The following DNM1 variants were observed in gnomAD, a reference collection of about 807,000 sequenced individuals.
The protein encoded by DNM1 is dynamin-1.
In DNM1, 29 loss-of-function variants were observed where a neutral mutation model predicts 104.6. The ratio of observed to expected loss-of-function variants is 0.28; its 90% CI spans 0.21 to 0.38. The LOEUF is 0.38. Among genes scored for constraint, DNM1 ranks in the 10% least tolerant of loss-of-function variants. DNM1 has a pLI of 1.00. For synonymous variants in DNM1, 445 were observed against 475.8 expected, an observed-to-expected ratio of 0.94 and a Z score of 0.84; for missense variants, 640 against 1,189.4, an observed-to-expected ratio of 0.54 and a Z score of 6.79.
Position 128,250,293 on chromosome 9 carries a change from C to A in DNM1, c.2255C>A (p.Thr752Lys). ...GACATCAACACGACCACCGTCAGCA[C>A]GCCCATGCCCCCGCCCGTGGACGAC... ...IGDINTTTVS[T>K]PMPPPVDDSW... Residue 752 changes from threonine (T) to lysine (K), a missense_variant, in exon 20 of 22, where the codon ACG (threonine) becomes AAG (lysine). Transcript: ENST00000372923. The A allele has an allele frequency of 6.2e-7, 1 of 1,611,706 alleles. No homozygotes were observed. The highest frequency in any genetic ancestry group is 8.5e-7 in the Non-Finnish European group (1 of 1,179,014).
chr9:128,222,136 C>T lies in DNM1; in HGVS notation c.850-61C>T. 6.4e-7 allele frequency: 1 copy of T among 1,555,932 alleles called. No homozygotes were observed. On this transcript the variant is annotated intron_variant, in intron 6 of 21. Transcript: ENST00000372923. This position sits in a 1 kb window ranked among gnomAD's most constrained non-coding sequence, Gnocchi z 7.8. ...CACGTTCACACAGTCCCCTGGCATC[C>T]AAGTCCCTTCCTGGCCCTGTGACCA... is the stretch of plus-strand genomic sequence containing the variant.
intron 1 of DNM1, among the ~76,000 whole-genome samples, chr9:128,210,348 CATTATTATT>C (rs61012054): frequency 1.0e-3 from 146 of 141,608 alleles, no homozygotes; most frequent in Non-Finnish European, 1.5e-3. Flanking sequence ...ATTTATTTGG[CATTATTATT>C]ATTATTATTA....
intron 12 of DNM1, 38 bp downstream of exon 12, chr9:128,239,553 G>T (rs1035192857): frequency 6.5e-7 from 1 of 1,544,598 alleles, no homozygotes; most frequent in African/African-American, 1.4e-5. Flanking sequence ...GTGCTCCCTG[G>T]GCAGAGAAGG....
intron 14 of DNM1, among the ~76,000 whole-genome samples, chr9:128,241,223 T>C (rs534529555): frequency 6.6e-6 from 1 of 152,212 alleles, no homozygotes; most frequent in South Asian, 2.1e-4. Flanking sequence ...CTCTGGATGC[T>C]CAGAGAAGAA....
rs1588443160 is a variant in DNM1 at position 128,245,201 on chromosome 9, G to A, written c.1672-1193G>A. ...TCCTCTCCTCCCCCAGCCGCCCTCT[G>A]GGGCTCCCGGCCACCCGCCTGGCAT... On this transcript the variant is annotated intron_variant, in intron 15 of 21. Coordinates refer to ENST00000372923, the MANE Select transcript of DNM1 (RefSeq NM_004408.4). This position sits in a 1 kb window ranked among gnomAD's most constrained non-coding sequence, Gnocchi z 5.2. Among the ~76,000 whole-genome samples the A allele has an allele frequency of 6.6e-6, 1 of 152,108 alleles. No homozygotes were observed. Among genetic ancestry groups the A allele is most frequent in the East Asian group, 1.9e-4 (1 of 5,192 alleles).
chr9:128,226,314 C>A (rs1020811533), intron 10 of DNM1: 3 of 1,347,966 alleles, frequency 2.2e-6, no homozygotes, highest in East Asian at 2.5e-5. Context: ...CAGTTTCTAA[C>A]CCTGGGTACT....
chr9:128,218,955 C>T lies in DNM1; in HGVS notation c.386-94C>T, dbSNP rs1564328443. ...CTAGTCCCACCCACCTGCCACCCTGCTCCCAAGCAGCTTCTCTAACCCCGC... is the reference window on the plus strand; with the variant it reads ...CTAGTCCCACCCACCTGCCACCCTGTTCCCAAGCAGCTTCTCTAACCCCGC... On this transcript the variant is annotated intron_variant, in intron 3 of 21. Transcript: ENST00000372923. The surrounding 1 kb of genome is among the most constrained non-coding windows in gnomAD (Gnocchi z 4.8). The T allele has an allele frequency of 2.1e-6, 3 of 1,450,444 alleles. No homozygotes were observed. Among genetic ancestry groups the T allele is most frequent in the South Asian group, 2.4e-5 (2 of 82,724 alleles). The allele number at this position is 1,450,444 out of a possible 1,614,324, so 89.8% of individuals were successfully genotyped here. A position where few individuals can be genotyped will look rare whatever the true frequency, so the allele number is the denominator to read the frequency against.
rs1564358478 is a variant in DNM1 at position 128,254,567 on chromosome 9, GGCC to G, written c.2535-86_2535-84del. ...CTCCCACCACTGCTGCGGCGCGGCC[GGCC>G]CCGGCCGTGTGCTGCGCTTGCCTTA... On this transcript the variant is annotated intron_variant, in intron 21 of 21. Transcript: ENST00000372923. This position sits in a 1 kb window ranked among gnomAD's most constrained non-coding sequence, Gnocchi z 6.1. 5 of 1,421,830 alleles carry G rather than the reference GGCC, an allele frequency of 3.5e-6. No individual in the cohort carries two copies. The African/African-American group carries it at 4.3e-5, about 12-fold the overall frequency. 88.1% of individuals were successfully genotyped at this position (1,421,830 alleles called of 1,614,324 possible).
intron 1 of DNM1, among the ~76,000 whole-genome samples, chr9:128,217,762 C>T (rs1435554593): frequency 6.6e-6 from 1 of 152,188 alleles, no homozygotes; most frequent in African/African-American, 2.4e-5. Context: ...CTTCTTCAAC[C>T]CTAGCCATAT....
chr9:128,248,439 GC>G lies in DNM1; in HGVS notation c.1906-143del. 1 of 869,894 alleles carries G rather than the reference GC, an allele frequency of 1.1e-6. No homozygotes were observed. The highest frequency in any genetic ancestry group is 1.7e-6 in the Non-Finnish European group (1 of 580,702). The allele number at this position is 869,894 out of a possible 1,614,324, so 53.9% of individuals were successfully genotyped here. ...CTAGGGTCCTGAGAGGCACAGGGAT[GC>G]GGAGCCAGGTATGTATTCAGGCCAG... On this transcript the variant is annotated intron_variant, in intron 18 of 21. Transcript: ENST00000372923. The surrounding 1 kb of genome is among the most constrained non-coding windows in gnomAD (Gnocchi z 5.6).
At chr9:128,242,457 C>T (rs1322637024) in intron 15 of DNM1, 112 bp downstream of exon 15, 2 of 631,354 alleles carry the variant, frequency 3.2e-6, no homozygotes, top group Non-Finnish European at 5.6e-6. Flanking sequence ...TTTAAAATGT[C>T]TCGTCAAAGA....
chr9:128,214,845 T>C (rs912520429), intron 1 of DNM1, among the ~76,000 whole-genome samples: 3 of 152,198 alleles, frequency 2.0e-5, no homozygotes, highest in Non-Finnish European at 4.4e-5. Context: ...CTGATACTTT[T>C]CTCTGGGCAC....
Position 128,248,242 on chromosome 9 carries a change from G to A in DNM1, c.1905+307G>A, listed in dbSNP as rs961155674. On this transcript the variant is annotated intron_variant, in intron 18 of 21. Transcript: ENST00000372923. This position sits in a 1 kb window ranked among gnomAD's most constrained non-coding sequence, Gnocchi z 5.6. The stretch of plus-strand genomic sequence containing the variant: ...CTCAGGAGGCTGAGGCAGGAGAATC[G>A]CTTGAACCCAGGAGGAGGTTGCAAT... 1.5e-4 allele frequency: 77 copies of A among 502,312 alleles called. 1 individual carries two copies. Among genetic ancestry groups the A allele is most frequent in the South Asian group, 6.3e-4 (29 of 45,912 alleles). The allele number at this position is 502,312 out of a possible 1,614,324, so 31.1% of individuals were successfully genotyped here.
intron 1 of DNM1, chr9:128,204,982 G>A (rs1833830778): frequency 6.6e-6 from 1 of 152,468 alleles, no homozygotes; most frequent in Admixed American, 6.5e-5. Context: ...GGAAACCCAT[G>A]CCAGCCCTAG....
chr9:128,209,757 T>C lies in DNM1; in HGVS notation c.161+6126T>C, dbSNP rs530142820. On this transcript the variant is annotated intron_variant, in intron 1 of 21. Coordinates refer to ENST00000372923, the MANE Select transcript of DNM1 (RefSeq NM_004408.4). ...TCCCAGCTCCAGAAAGGACCCACCT[T>C]GGGCCTGGGCTGGTCCCCACTTGGG... is the stretch of plus-strand genomic sequence containing the variant. 3.8e-3 allele frequency among the ~76,000 whole-genome samples: 573 copies of C among 152,292 alleles called. 3 individuals are homozygous for C. Among genetic ancestry groups the C allele is most frequent in the Middle Eastern group, 6.8e-3 (2 of 294 alleles).
chr9:128,240,183 T>G lies in DNM1; in HGVS notation c.1557+187T>G, dbSNP rs1187287719. Among the ~76,000 whole-genome samples the G allele has an allele frequency of 6.6e-6, 1 of 152,172 alleles. No individual in the cohort carries two copies. Among genetic ancestry groups the G allele is most frequent in the Non-Finnish European group, 1.5e-5 (1 of 68,028 alleles). ...AGCCGCATCCACCCGTCCATCTGTG[T>G]GCACGAGCCAAGCACCTACTTCAGG... On this transcript the variant is annotated intron_variant, in intron 14 of 21. Transcript: ENST00000372923. The surrounding 1 kb of genome is among the most constrained non-coding windows in gnomAD (Gnocchi z 5.1).
chr9:128,213,742 G>A (rs78077958), intron 1 of DNM1, among the ~76,000 whole-genome samples: 61 of 152,214 alleles, frequency 4.0e-4, no homozygotes, highest in African/African-American at 5.5e-4. Context: ...TGGTCAGTGC[G>A]GGTGTCCTGA....
intron 1 of DNM1, among the ~76,000 whole-genome samples, chr9:128,205,034 G>C (rs957397010): frequency 2.0e-5 from 3 of 152,224 alleles, no homozygotes; most frequent in Middle Eastern, 3.4e-3. Context: ...TGTGTGTGTG[G>C]GACGTTGGAA....
chr9:128,239,721 C>T lies in DNM1; in HGVS notation c.1494-7C>T. The T allele has an allele frequency of 6.2e-7, 1 of 1,612,830 alleles. No individual in the cohort carries two copies. Among genetic ancestry groups the T allele is most frequent in the Non-Finnish European group, 8.5e-7 (1 of 1,179,404 alleles). Reference sequence around the variant, plus strand: ...AGTTCTGAGACTCCTCCCCTCCCTCCCATTAGTGCTCAGCAGAGGAGCAAC... The same window carrying T: ...AGTTCTGAGACTCCTCCCCTCCCTCTCATTAGTGCTCAGCAGAGGAGCAAC... On this transcript the variant is annotated splice_region_variant and splice_polypyrimidine_tract_variant and intron_variant, in intron 12 of 21. Transcript: ENST00000372923.
Sources: allele counts gnomAD v4.1 joint callset (sites outside exome capture counted in the v4.1 genomes callset), GRCh38; gene constraint gnomAD v4.1.1; non-coding constraint Gnocchi (gnomAD v3.1); transcripts MANE v1.5; gene names NCBI Gene and HGNC (gene_info 2026-07-23, HGNC 2026-07-21).